SP3: variants seen among roughly 807,000 people sequenced by gnomAD.
SP3 encodes transcription factor Sp3.
SP3 carries 10 observed loss-of-function variants against 70.3 expected under a neutral mutation model. The observed-to-expected ratio is 0.14, with a 90% CI of 0.09 to 0.24. The LOEUF is 0.24. SP3 is among the 10% of genes least tolerant of loss of function. SP3 has a pLI of 1.00. For synonymous variants in SP3, 402 were observed against 333.5 expected, an observed-to-expected ratio of 1.21 and a Z score of -2.24; for missense variants, 825 against 914.6, an observed-to-expected ratio of 0.90 and a Z score of 1.26.
In SP3 at chr2:173,955,725, T is replaced by C. The variant is rs143822445; in HGVS notation, c.787A>G (p.Asn263Asp). 9.3e-6 allele frequency: 15 copies of C among 1,614,200 alleles called. No individual in the cohort carries two copies. The highest frequency in any genetic ancestry group is 1.0e-5 in the Non-Finnish European group (12 of 1,180,032). The change falls in exon 4 of 7, where the codon AAT becomes GAT. Residue 263 changes from asparagine to aspartate, a missense_variant. Asn to Asp is a conservative substitution (Grantham distance 23). Transcript: ENST00000310015. ...CTATTGATTGGTACAAACGTAATATTTCCTGGCAGACCAAGAGGCACATTA... is the reference window on the plus strand; with the variant it reads ...CTATTGATTGGTACAAACGTAATATCTCCTGGCAGACCAAGAGGCACATTA... ...VANVPLGLPG[N>D]ITFVPINSVD...
Position 173,955,187 on chromosome 2 carries a change from T to G in SP3, c.1325A>C (p.Gln442Pro). 6.2e-7 allele frequency: 1 copy of G among 1,614,184 alleles called. No individual in the cohort carries two copies. The highest frequency in any genetic ancestry group is 8.5e-7 in the Non-Finnish European group (1 of 1,180,032). ...AATTAAAAAGGTTCCAGGATTCAGC[T>G]GCAACTGAAGATTTTGCAAAGCCTG... The part of the protein sequence containing the change: ...SQQALQNLQL[Q>P]LNPGTFLIQA... Residue 442 changes from glutamine (Q) to proline (P), a missense_variant, in exon 4 of 7, where the codon CAG becomes CCG. Gln to Pro is a moderately conservative substitution (Grantham distance 76, BLOSUM62 -1). Coordinates refer to ENST00000310015, the MANE Select transcript of SP3 (RefSeq NM_003111.5).
intron 4 of SP3, among the ~76,000 whole-genome samples, chr2:173,938,048 CTCTTAGTT>C (rs1690257915): frequency 6.6e-6 from 1 of 152,168 alleles, no homozygotes; most frequent in Admixed American, 6.6e-5. Flanking sequence ...CCTCTTGCTT[CTCTTAGTT>C]TCTTCCCCCA....
At position 173,944,216 on chromosome 2, in the gene SP3, G is replaced by A. The variant is rs185380187; in HGVS notation, c.1639+10657C>T. 1.8e-4 allele frequency among the ~76,000 whole-genome samples: 27 copies of A among 152,272 alleles called. No homozygotes were observed. In the East Asian group the frequency reaches 3.1e-3, roughly 17 times the overall value. On this transcript the variant is annotated intron_variant, in intron 4 of 6. Transcript: ENST00000310015. ...AATTTATGAGATTTATGAAAACAACGTCACATGTTAAGTACCTTCATAAAA... is the reference window on the plus strand; with the variant it reads ...AATTTATGAGATTTATGAAAACAACATCACATGTTAAGTACCTTCATAAAA...
rs553924673 is a variant in SP3 at position 173,901,917 on chromosome 2, A to G, written c.*8024T>C. Among the ~76,000 whole-genome samples the G allele has an allele frequency of 6.6e-6, 1 of 151,998 alleles. No individual in the cohort carries two copies. The highest frequency in any genetic ancestry group is 1.5e-5 in the Non-Finnish European group (1 of 67,976). On this transcript the variant is annotated 3_prime_UTR_variant, in exon 7 of 7. Coordinates refer to ENST00000310015, the MANE Select transcript of SP3 (RefSeq NM_003111.5). Reference sequence around the variant, plus strand: ...TAGTCAGGCTGCTCTCGAACTGCTGACCTCAAGCAATCCGCTCGACTCAGC... The same window carrying G: ...TAGTCAGGCTGCTCTCGAACTGCTGGCCTCAAGCAATCCGCTCGACTCAGC...
intron 5 of SP3, 105 bp downstream of exon 5, chr2:173,918,488 T>C: frequency 8.5e-7 from 1 of 1,170,790 alleles, no homozygotes; most frequent in Non-Finnish European, 1.2e-6. Flanking sequence ...CCAAAAATGA[T>C]CATGTAATAA....
intron 3 of SP3, among the ~76,000 whole-genome samples, chr2:173,956,819 G>A (rs1327170507): frequency 6.6e-6 from 1 of 152,112 alleles, no homozygotes; most frequent in Non-Finnish European, 1.5e-5. Context: ...TCATTGCCCT[G>A]TGACCACATG....
chr2:173,937,838 A>G (rs1690249009), intron 4 of SP3, among the ~76,000 whole-genome samples: 1 of 152,232 alleles, frequency 6.6e-6, no homozygotes, highest in Admixed American at 6.5e-5. Flanking sequence ...CTCATTTTGA[A>G]ACAAATCCGA....
In SP3 at chr2:173,904,535, T is replaced by C. The variant is rs111979660; in HGVS notation, c.*5406A>G. On this transcript the variant is annotated 3_prime_UTR_variant, in exon 7 of 7. Transcript: ENST00000310015. ...ACAAACACTGCCAAGTTATCAGGAATCAAGAAAGCCATTTTCTTTTTCTTC... is the reference window on the plus strand; with the variant it reads ...ACAAACACTGCCAAGTTATCAGGAACCAAGAAAGCCATTTTCTTTTTCTTC... Among the ~76,000 whole-genome samples the C allele has an allele frequency of 7.9e-5, 12 of 152,198 alleles. No homozygotes were observed. Among genetic ancestry groups the C allele is most frequent in the Non-Finnish European group, 1.6e-4 (11 of 68,010 alleles).
chr2:173,965,433 G>C, upstream of SP3: 3 of 521,624 alleles, frequency 5.8e-6, no homozygotes, highest in Non-Finnish European at 1.0e-5. Flanking sequence ...GCTCTTTGTC[G>C]GCTGTGCTCA....
intron 4 of SP3, among the ~76,000 whole-genome samples, chr2:173,941,308 C>A (rs1690366580): frequency 6.6e-6 from 1 of 152,134 alleles, no homozygotes; most frequent in African/African-American, 2.4e-5. Flanking sequence ...GTACCCTCCA[C>A]AATATATGAA....
At chr2:173,956,807 A>G (rs1690909097) in intron 3 of SP3, among the ~76,000 whole-genome samples, 1 of 152,210 alleles carries the variant, frequency 6.6e-6, no homozygotes, top group South Asian at 2.1e-4. Flanking sequence ...AATGAGAAAA[A>G]GTCATTGCCC....
chr2:173,901,421 C>T lies in SP3; in HGVS notation c.*8520G>A, dbSNP rs1475686145. On this transcript the variant is annotated 3_prime_UTR_variant, in exon 7 of 7. Coordinates refer to ENST00000310015, the MANE Select transcript of SP3 (RefSeq NM_003111.5). Reference sequence around the variant, plus strand: ...TATCTTATATATAAAATAATATGTACCTGGGATTAATTAAGAATGTTTGAA... The same window carrying T: ...TATCTTATATATAAAATAATATGTATCTGGGATTAATTAAGAATGTTTGAA... Among the ~76,000 whole-genome samples, 1 of 151,880 alleles carries T rather than the reference C, an allele frequency of 6.6e-6. No homozygotes were observed. The highest frequency in any genetic ancestry group is 1.5e-5 in the Non-Finnish European group (1 of 67,988).
At chr2:173,923,732 C>A (rs1015157538) in intron 4 of SP3, among the ~76,000 whole-genome samples, 16 of 151,418 alleles carry the variant, frequency 1.1e-4, no homozygotes, top group African/African-American at 3.6e-4. Context: ...TTTTTAAGCA[C>A]TGAAGTAATT....
chr2:173,963,590 T>A (rs1021571201), intron 3 of SP3, among the ~76,000 whole-genome samples, 171 bp downstream of exon 3: 1 of 152,128 alleles, frequency 6.6e-6, no homozygotes, highest in Admixed American at 6.5e-5. Context: ...CTGGGCTGGC[T>A]TCAGATCCAA....
At chr2:173,945,901 G>C (rs897182419) in intron 4 of SP3, among the ~76,000 whole-genome samples, 1 of 152,070 alleles carries the variant, frequency 6.6e-6, no homozygotes, top group Non-Finnish European at 1.5e-5. Flanking sequence ...TGATGTGGAC[G>C]GATCATTTGA....
At chr2:173,945,902 G>A (rs994571874) in intron 4 of SP3, among the ~76,000 whole-genome samples, 1 of 152,140 alleles carries the variant, frequency 6.6e-6, no homozygotes, top group Admixed American at 6.5e-5. Context: ...GATGTGGACG[G>A]ATCATTTGAG....
At position 173,907,221 on chromosome 2, in the gene SP3, A is replaced by C. The variant is rs1423537525; in HGVS notation, c.*2720T>G. 1 of 152,164 alleles carries C rather than the reference A, an allele frequency of 6.6e-6. No individual in the cohort carries two copies. The highest frequency in any genetic ancestry group is 1.5e-5 in the Non-Finnish European group (1 of 68,002). 9.4% of individuals were successfully genotyped at this position (152,164 alleles called of 1,614,324 possible). The stretch of plus-strand genomic sequence containing the variant: ...TTACAACAGGAATTATTTGTACATA[A>C]ATATATTCAATATGCACTAACTCTA... On this transcript the variant is annotated 3_prime_UTR_variant, in exon 7 of 7. Transcript: ENST00000310015.
At chr2:173,940,280 G>A (rs1690332445) in intron 4 of SP3, among the ~76,000 whole-genome samples, 1 of 152,080 alleles carries the variant, frequency 6.6e-6, no homozygotes, top group Non-Finnish European at 1.5e-5. Flanking sequence ...ATGGTTTCAG[G>A]GTGAAACTGT....
rs1491548729 is a variant in SP3, at chr2:173,903,490, A to AC, written c.*6450dup. On this transcript the variant is annotated 3_prime_UTR_variant, in exon 7 of 7. Transcript: ENST00000310015. Reference sequence around the variant, plus strand: ...ACTAAATGAATAAAGATGGAAAAAAACACACAGAGTTACTAGGAGTAGAAT... The same window carrying AC: ...ACTAAATGAATAAAGATGGAAAAAAACCACACAGAGTTACTAGGAGTAGAAT... Among the ~76,000 whole-genome samples the AC allele has an allele frequency of 1.3e-5, 2 of 152,136 alleles. No individual in the cohort carries two copies. The highest frequency in any genetic ancestry group is 4.8e-5 in the African/African-American group (2 of 41,440).
Sources: allele counts gnomAD v4.1 joint callset (sites outside exome capture counted in the v4.1 genomes callset), GRCh38; gene constraint gnomAD v4.1.1; transcripts MANE v1.5; gene names NCBI Gene and HGNC (gene_info 2026-07-23, HGNC 2026-07-21).